CLNK: variants seen among roughly 807,000 people sequenced by gnomAD.
The protein encoded by CLNK is cytokine-dependent hematopoietic cell linker.
Under a neutral mutation model 68.6 loss-of-function variants are expected in CLNK, and 74 were observed. That is an observed-to-expected ratio of 1.08 (90% CI 0.89 to 1.31). The LOEUF (loss-of-function observed/expected upper bound fraction) is 1.31, where lower values mean the gene tolerates loss of function less well. Ranked by LOEUF, CLNK falls within the 50% of genes most tolerant of loss-of-function variation. The pLI is 0.00. For synonymous variants in CLNK, 198 were observed against 172.2 expected, an observed-to-expected ratio of 1.15 and a Z score of -1.17; for missense variants, 553 against 515.3, an observed-to-expected ratio of 1.07 and a Z score of -0.71.
chr4:10,503,666 A>C (rs1717153312), intron 17 of CLNK, among the ~76,000 whole-genome samples: 1 of 149,784 alleles, frequency 6.7e-6, no homozygotes. Flanking sequence ...AAGTATACAA[A>C]ATTTAGAAAT....
intron 8 of CLNK, among the ~76,000 whole-genome samples, chr4:10,553,128 T>A (rs1719527348): frequency 6.6e-6 from 1 of 152,136 alleles, no homozygotes; most frequent in African/African-American, 2.4e-5. Context: ...TTAAGGAATA[T>A]CCGCCCCAAA....
chr4:10,699,310 C>CATGT, the CLNK span, among the ~76,000 whole-genome samples: 2 of 34,422 alleles, frequency 5.8e-5, no homozygotes, highest in South Asian at 1.7e-3. Flanking sequence ...ACACCACATA[C>CATGT]GTGTATACAC....
At chr4:10,557,074 T>G (rs1407351628) in intron 8 of CLNK, among the ~76,000 whole-genome samples, 1 of 100,262 alleles carries the variant, frequency 1.0e-5, no homozygotes, top group Non-Finnish European at 1.9e-5. Context: ...AGACTCTGTC[T>G]CAAAATAAAT....
chr4:10,525,048 C>G (rs1718246113), intron 14 of CLNK, among the ~76,000 whole-genome samples: 1 of 152,152 alleles, frequency 6.6e-6, no homozygotes, highest in Non-Finnish European at 1.5e-5. Flanking sequence ...TGACTTTGGT[C>G]AATAAATATC....
chr4:10,663,996 C>G (rs915868825), intron 2 of CLNK, among the ~76,000 whole-genome samples: 1 of 152,126 alleles, frequency 6.6e-6, no homozygotes, highest in Non-Finnish European at 1.5e-5. Flanking sequence ...CTTGGACTTC[C>G]CAGCTCCCAG....
chr4:10,685,843 G>T (rs1303304642), upstream of CLNK, among the ~76,000 whole-genome samples: 3 of 152,148 alleles, frequency 2.0e-5, no homozygotes, highest in East Asian at 5.8e-4. Flanking sequence ...CTGAAGACTA[G>T]GGAGACTCGA....
chr4:10,551,607 C>A (rs1048708077), intron 8 of CLNK, among the ~76,000 whole-genome samples: 1 of 151,958 alleles, frequency 6.6e-6, no homozygotes, highest in Non-Finnish European at 1.5e-5. Flanking sequence ...CATGCAATAA[C>A]ACTATGAAAT....
Position 10,630,364 on chromosome 4 carries a change from A to T in CLNK, c.12-32315T>A, listed in dbSNP as rs192961965. 1.6e-4 allele frequency among the ~76,000 whole-genome samples: 24 copies of T among 152,348 alleles called. 1 individual carries two copies. The highest frequency in any genetic ancestry group is 1.5e-3 in the Admixed American group (23 of 15,306). ...ACCCTCCTCATGGAAAAAAATGGAG[A>T]TTCATGAAAGTCAAAGGACTGGCCC... On this transcript the variant is annotated intron_variant, in intron 2 of 18. Coordinates refer to ENST00000226951, the MANE Select transcript of CLNK (RefSeq NM_052964.4).
upstream of CLNK, among the ~76,000 whole-genome samples, chr4:10,687,165 T>C (rs1279774265): frequency 6.6e-6 from 1 of 150,756 alleles, no homozygotes; most frequent in Admixed American, 6.6e-5. Flanking sequence ...CTCTACCTAC[T>C]ACTATCAGCC....
At chr4:10,595,283 C>T (rs576342764) in intron 3 of CLNK, among the ~76,000 whole-genome samples, 43 of 152,252 alleles carry the variant, frequency 2.8e-4, no homozygotes, top group African/African-American at 9.1e-4. Flanking sequence ...ATGGTGAAGA[C>T]CGAATGCCAA....
Position 10,540,444 on chromosome 4 carries a change from C to A in CLNK, c.602+50G>T, listed in dbSNP as rs199898606. On this transcript the variant is annotated intron_variant, in intron 11 of 18. Coordinates refer to ENST00000226951, the MANE Select transcript of CLNK (RefSeq NM_052964.4). Reference sequence around the variant, plus strand: ...TTTGGTTTCCCTTGTCCCCCTCCCCCACACCCACACTCTTGCTGGTCATTT... The same window carrying A: ...TTTGGTTTCCCTTGTCCCCCTCCCCAACACCCACACTCTTGCTGGTCATTT... 4.2e-6 allele frequency: 6 copies of A among 1,419,718 alleles called. No homozygotes were observed. In the Admixed American group the frequency reaches 5.0e-5, roughly 12 times the overall value. 87.9% of individuals were successfully genotyped at this position (1,419,718 alleles called of 1,614,324 possible).
chr4:10,570,634 A>T (rs745734541), intron 5 of CLNK, among the ~76,000 whole-genome samples: 58 of 152,176 alleles, frequency 3.8e-4, no homozygotes, highest in Admixed American at 1.0e-3. Context: ...ATTCTTAAAG[A>T]GCTACCTCAA....
intron 1 of CLNK, among the ~76,000 whole-genome samples, chr4:10,681,744 C>T (rs1725097928): frequency 6.6e-6 from 1 of 152,162 alleles, no homozygotes; most frequent in South Asian, 2.1e-4. Flanking sequence ...AACCTGGGAA[C>T]ATCAGCAGGG....
chr4:10,584,343 T>A (rs1720895511), intron 4 of CLNK, among the ~76,000 whole-genome samples: 1 of 152,208 alleles, frequency 6.6e-6, no homozygotes, highest in Non-Finnish European at 1.5e-5. Context: ...TTCTGCCTCA[T>A]TCCAGTCATT....
chr4:10,513,180 G>T (rs1189511078), intron 16 of CLNK, among the ~76,000 whole-genome samples: 1 of 145,056 alleles, frequency 6.9e-6, no homozygotes, highest in African/African-American at 2.6e-5. Context: ...TATAAAACAC[G>T]TGTCTAAATA....
rs186805354 is a variant in CLNK at position 10,581,277 on chromosome 4, C to T, written c.112+3650G>A. ...ACCTAACGATGTATTTTTCAGAATA[C>T]GTCCCCATTAGTATGTGACACATGA... is the stretch of plus-strand genomic sequence containing the variant. On this transcript the variant is annotated intron_variant, in intron 4 of 18. Coordinates refer to ENST00000226951, the MANE Select transcript of CLNK (RefSeq NM_052964.4). Among the ~76,000 whole-genome samples, 121 of 152,124 alleles carry T rather than the reference C, an allele frequency of 8.0e-4. 1 individual carries two copies. Among genetic ancestry groups the T allele is most frequent in the Non-Finnish European group, 1.4e-3 (92 of 68,010 alleles).
At chr4:10,598,185 C>T in intron 2 of CLNK, 136 bp from the exon 3 acceptor site, 1 of 633,326 alleles carries the variant, frequency 1.6e-6, no homozygotes, top group South Asian at 2.0e-5. Flanking sequence ...TTCTGAATCT[C>T]TCTTTGCATT....
In CLNK at chr4:10,488,593, TGCAG is replaced by T. The variant is rs1270658806; in HGVS notation, c.*1870_*1873del. 2.6e-5 allele frequency: 4 copies of T among 152,366 alleles called. No individual in the cohort carries two copies. The East Asian group carries it at 7.7e-4, about 29-fold the overall frequency. 9.4% of individuals were successfully genotyped at this position (152,366 alleles called of 1,614,324 possible). On this transcript the variant is annotated 3_prime_UTR_variant, in exon 19 of 19. Coordinates refer to ENST00000226951, the MANE Select transcript of CLNK (RefSeq NM_052964.4). ...TGTCTCTTGGTTCTATGTAATCCTC[TGCAG>T]GCATACTCTACGATAGGCTCAGCTG...
At chr4:10,579,967 C>CT (rs1720715401) in intron 4 of CLNK, among the ~76,000 whole-genome samples, 1 of 152,234 alleles carries the variant, frequency 6.6e-6, no homozygotes, top group South Asian at 2.1e-4. Context: ...TAAGCAACCA[C>CT]TTTTCTGCCA....
Sources: gnomAD v4.1 joint callset for allele counts (sites outside exome capture counted in the v4.1 genomes callset) on GRCh38, gnomAD v4.1.1 for gene constraint, MANE v1.5 for transcripts, NCBI Gene and HGNC (gene_info 2026-07-23, HGNC 2026-07-21) for gene names.